Variants in ABTB2 observed in about 807,000 individuals in gnomAD.
ABTB2 encodes the protein ankyrin repeat and BTB domain containing 2.
In ABTB2, 56 loss-of-function variants were observed where a neutral mutation model predicts 104.1. The observed-to-expected ratio is 0.54, with a 90% CI of 0.43 to 0.67. The LOEUF (loss-of-function observed/expected upper bound fraction) is 0.67, where lower values mean the gene tolerates loss of function less well. Among genes scored for constraint, ABTB2 ranks in the 30% least tolerant of loss-of-function variants. The probability of loss-of-function intolerance (pLI) is 0.00; values close to 1 mark genes in which losing one functional copy is unlikely to be tolerated. For missense variants in ABTB2, 1,279 were observed against 1,407.7 expected (o/e 0.91, Z 1.46); for synonymous variants, 606 against 608.2 (o/e 1.00, Z 0.05).
At chr11:34,174,218 T>A (rs985412766) in intron 3 of ABTB2, among the ~76,000 whole-genome samples, 2 of 150,086 alleles carry the variant, frequency 1.3e-5, no homozygotes, top group Non-Finnish European at 2.9e-5. Flanking sequence ...CCAGCTACTC[T>A]GGAGGCTGAG....
At chr11:34,244,959 G>C (rs1395184002) in intron 1 of ABTB2, among the ~76,000 whole-genome samples, 3 of 151,968 alleles carry the variant, frequency 2.0e-5, no homozygotes, top group Non-Finnish European at 2.9e-5. Flanking sequence ...ATTAAGCAGA[G>C]ATCACGCCAG....
At chr11:34,276,126 G>C (rs1012582706) in intron 1 of ABTB2, among the ~76,000 whole-genome samples, 5 of 151,930 alleles carry the variant, frequency 3.3e-5, no homozygotes, top group South Asian at 2.1e-4. Flanking sequence ...TTGTTTCTTA[G>C]GGGGGACTTC....
chr11:34,159,306 T>C lies in ABTB2; in HGVS notation c.2687A>G (p.His896Arg). The C allele has an allele frequency of 1.2e-6, 2 of 1,613,396 alleles. No individual in the cohort carries two copies. Among genetic ancestry groups the C allele is most frequent in the Non-Finnish European group, 1.7e-6 (2 of 1,179,536 alleles). Residue 896 changes from histidine to arginine, a missense_variant, in exon 14 of 17, where the codon CAC (histidine) becomes CGC (arginine). Coordinates refer to ENST00000435224, the MANE Select transcript of ABTB2 (RefSeq NM_145804.3). ...CCAAGACCCACACACCTGAAAAATG[T>C]GGTACTTCATGTCGCTGATCTCGAT... ...KTIEISDMKY[H>R]IFQMMMQYLY...
intron 1 of ABTB2, among the ~76,000 whole-genome samples, chr11:34,225,066 G>T (rs1853669735): frequency 6.6e-6 from 1 of 152,204 alleles, no homozygotes; most frequent in Non-Finnish European, 1.5e-5. Flanking sequence ...CTGAGATACT[G>T]AGATATTCTG....
chr11:34,346,886 T>C (rs1855338896), intron 1 of ABTB2, among the ~76,000 whole-genome samples: 1 of 152,226 alleles, frequency 6.6e-6, no homozygotes. Context: ...CTTGTGTTTA[T>C]TAATAGCTCT....
chr11:34,197,106 G>A (rs150146011), intron 3 of ABTB2, among the ~76,000 whole-genome samples: 3 of 151,692 alleles, frequency 2.0e-5, no homozygotes, highest in East Asian at 1.9e-4. Flanking sequence ...AGCCTCAGTG[G>A]CCCCATGCTG....
intron 3 of ABTB2, among the ~76,000 whole-genome samples, chr11:34,184,531 TAC>T: frequency 6.6e-6 from 1 of 152,326 alleles, no homozygotes; most frequent in African/African-American, 2.4e-5. Flanking sequence ...GGTGAGATGG[TAC>T]AGATTCCAGT....
chr11:34,283,247 G>T (rs143399558), intron 1 of ABTB2, among the ~76,000 whole-genome samples: 3 of 151,574 alleles, frequency 2.0e-5, no homozygotes, highest in Non-Finnish European at 4.4e-5. Context: ...ATGGAATCTC[G>T]CTCTGTAACC....
At chr11:34,171,697 C>T (rs1361747616) in intron 4 of ABTB2, among the ~76,000 whole-genome samples, 41 of 152,006 alleles carry the variant, frequency 2.7e-4, no homozygotes, top group Admixed American at 2.7e-3. Flanking sequence ...GGAAGCAGCT[C>T]CCACCCAGAC....
At chr11:34,194,665 A>C (rs1269899420) in intron 3 of ABTB2, among the ~76,000 whole-genome samples, 1 of 151,760 alleles carries the variant, frequency 6.6e-6, no homozygotes, top group Non-Finnish European at 1.5e-5. Flanking sequence ...GCCAGAGGGC[A>C]GCAGATCTGC....
intron 1 of ABTB2, among the ~76,000 whole-genome samples, chr11:34,256,041 T>C (rs770253603): frequency 3.9e-5 from 6 of 152,110 alleles, no homozygotes; most frequent in Non-Finnish European, 8.8e-5. Flanking sequence ...TAGGTGGAGA[T>C]TAAGTCCTCA....
At chr11:34,219,180 T>C (rs1256249051) in intron 1 of ABTB2, among the ~76,000 whole-genome samples, 1 of 152,172 alleles carries the variant, frequency 6.6e-6, no homozygotes, top group Non-Finnish European at 1.5e-5. Context: ...GTAGGAATAG[T>C]CATGTGCTGC....
chr11:34,171,685 C>A (rs894891819), intron 4 of ABTB2, among the ~76,000 whole-genome samples: 46 of 152,210 alleles, frequency 3.0e-4, no homozygotes, highest in African/African-American at 1.1e-3. Context: ...CTGCCCCAAG[C>A]AGGAAGCAGC....
At chr11:34,324,359 T>G (rs1187535149) in intron 1 of ABTB2, among the ~76,000 whole-genome samples, 1 of 152,214 alleles carries the variant, frequency 6.6e-6, no homozygotes, top group South Asian at 2.1e-4. Context: ...CCTGGGCCCA[T>G]GATAGGCATC....
intron 12 of ABTB2, 51 bp from the exon 13 acceptor site, chr11:34,160,059 G>C (rs1852687194): frequency 6.6e-7 from 1 of 1,514,130 alleles, no homozygotes; most frequent in African/African-American, 1.4e-5. Context: ...CCCCTGCTGG[G>C]GTTTGCTTGA....
chr11:34,349,946 G>A (rs1590266834), intron 1 of ABTB2, among the ~76,000 whole-genome samples: 2 of 152,154 alleles, frequency 1.3e-5, no homozygotes, highest in African/African-American at 2.4e-5. Flanking sequence ...GCCCCACCCC[G>A]TGCTGTGCTC....
intron 9 of ABTB2, 64 bp downstream of exon 9, chr11:34,164,622 G>A: frequency 2.2e-6 from 3 of 1,390,892 alleles, no homozygotes; most frequent in Non-Finnish European, 2.8e-6. Flanking sequence ...CGGGGAAACT[G>A]AGGCTCCTGT....
In ABTB2 at chr11:34,159,315, A is replaced by G. The variant is rs748399947; in HGVS notation, c.2678T>C (p.Met893Thr). The G allele has an allele frequency of 1.9e-6, 3 of 1,613,846 alleles. No homozygotes were observed. The highest frequency in any genetic ancestry group is 3.3e-5 in the Admixed American group (2 of 60,024). Reference protein sequence around the residue: ...DSSKTIEISDMKYHIFQMMMQ... With the variant: ...DSSKTIEISDTKYHIFQMMMQ... ...ACACACCTGAAAAATGTGGTACTTC[A>G]TGTCGCTGATCTCGATGGTCTTGCT... The change falls in exon 14 of 17, where the codon ATG becomes ACG. Residue 893 changes from methionine (M) to threonine (T), a missense_variant. By Grantham distance (81) the Met-to-Thr change is moderately conservative. Coordinates refer to ENST00000435224, the MANE Select transcript of ABTB2 (RefSeq NM_145804.3).
intron 2 of ABTB2, among the ~76,000 whole-genome samples, chr11:34,200,833 T>C (rs932902431): frequency 2.6e-5 from 4 of 152,090 alleles, no homozygotes; most frequent in Admixed American, 2.6e-4. Context: ...CTCTTGACCA[T>C]CACATGGCTG....
Sources: allele counts gnomAD v4.1 joint callset (sites outside exome capture counted in the v4.1 genomes callset), GRCh38; gene constraint gnomAD v4.1.1; transcripts MANE v1.5; gene names NCBI Gene and HGNC (gene_info 2026-07-23, HGNC 2026-07-21).